GATB: variants seen among roughly 807,000 people sequenced by gnomAD.
GATB encodes the protein glutamyl-tRNA amidotransferase subunit B, also known as glutamyl-tRNA(Gln) amidotransferase subunit B, mitochondrial.
Under a neutral mutation model 62.3 loss-of-function variants are expected in GATB, and 39 were observed. The observed-to-expected ratio is 0.63, with a 90% CI of 0.48 to 0.82. The LOEUF (loss-of-function observed/expected upper bound fraction) is 0.82, where lower values mean the gene tolerates loss of function less well. Among genes scored for constraint, GATB ranks in the 40% least tolerant of loss-of-function variants. The pLI is 0.00. For synonymous variants in GATB, 276 were observed against 258.9 expected (o/e 1.07, Z -0.63); for missense variants, 670 against 684.0 (o/e 0.98, Z 0.23).
At chr4:151,713,005 A>G (rs764292958) in intron 5 of GATB, among the ~76,000 whole-genome samples, 4 of 152,154 alleles carry the variant, frequency 2.6e-5, no homozygotes, top group Non-Finnish European at 4.4e-5. Flanking sequence ...CCCTTGCATT[A>G]CCATCTGAGC....
chr4:151,693,828 G>C (rs28527216), intron 9 of GATB, among the ~76,000 whole-genome samples: 20,405 of 152,184 alleles, frequency 0.13, 1,546 homozygotes, highest in African/African-American at 0.2. Flanking sequence ...CCATTTAGGG[G>C]ATATTCAAAC....
At chr4:151,760,434 C>T (rs1038525205) in intron 1 of GATB, among the ~76,000 whole-genome samples, 11 of 152,192 alleles carry the variant, frequency 7.2e-5, no homozygotes, top group Non-Finnish European at 1.5e-4. Context: ...TAGAACGCTG[C>T]CAGCCCATAC....
chr4:151,678,497 TA>T (rs1738060113), intron 11 of GATB, among the ~76,000 whole-genome samples: 1 of 152,100 alleles, frequency 6.6e-6, no homozygotes, highest in Non-Finnish European at 1.5e-5. Flanking sequence ...TCAGGCCATC[TA>T]AACTTCCTGC....
chr4:151,715,946 C>A, intron 5 of GATB, 63 bp downstream of exon 5: 1 of 1,553,388 alleles, frequency 6.4e-7, no homozygotes, highest in South Asian at 1.2e-5. Flanking sequence ...AAACTAAAGT[C>A]AGAGAGGTTC....
rs199739519 is a variant in GATB at position 151,717,955 on chromosome 4, G to GCCCAC, written c.442-882_442-881insGTGGG. Among the ~76,000 whole-genome samples, 949 of 152,268 alleles carry GCCCAC rather than the reference G, an allele frequency of 6.2e-3. 9 individuals carry two copies. Among genetic ancestry groups the GCCCAC allele is most frequent in the African/African-American group, 0.021 (884 of 41,544 alleles). On this transcript the variant is annotated intron_variant, in intron 3 of 12. Coordinates refer to ENST00000263985, the MANE Select transcript of GATB (RefSeq NM_004564.3). ...AAGACCTTGCCCACAGCCACATACA[G>GCCCAC]AGCTAGTGAGCATCAATGTCAATGT...
intron 2 of GATB, among the ~76,000 whole-genome samples, chr4:151,757,467 A>ATTTT (rs745311470): frequency 3.9e-4 from 41 of 103,802 alleles, no homozygotes; most frequent in African/African-American, 5.2e-4. Context: ...CAGCTTCCAG[A>ATTTT]TTTTTTTTTT....
intron 5 of GATB, 142 bp downstream of exon 5, chr4:151,715,867 A>C (rs192455594): frequency 4.0e-6 from 4 of 988,962 alleles, no homozygotes; most frequent in Admixed American, 3.3e-5. Context: ...ACAACAACAA[A>C]AAAACAGGGT....
intron 10 of GATB, among the ~76,000 whole-genome samples, chr4:151,682,798 T>C (rs1005074236): frequency 3.3e-5 from 5 of 152,058 alleles, no homozygotes; most frequent in Admixed American, 2.0e-4. Context: ...AAGGAAGACA[T>C]TGGGACTTGG....
rs1257238597 is a variant in GATB at position 151,760,966 on chromosome 4, A to G, written c.17T>C (p.Leu6Pro). Residue 6 changes from leucine (L) to proline (P), a missense_variant, in exon 1 of 13, where the codon CTG (leucine) becomes CCG (proline). Transcript: ENST00000263985. MAAPM[L>P]RWGCRGRRWA... is the part of the protein sequence containing the mutation. ...ACGTCTTCCACGGCAGCCCCAGCGC[A>G]GCATGGGCGCCGCCATTGTAACTCC... is the stretch of plus-strand genomic sequence containing the variant. The G allele has an allele frequency of 1.2e-6, 2 of 1,611,436 alleles. No individual in the cohort carries two copies. Among genetic ancestry groups the G allele is most frequent in the Non-Finnish European group, 1.7e-6 (2 of 1,179,200 alleles).
intron 9 of GATB, among the ~76,000 whole-genome samples, chr4:151,694,629 T>G (rs571883376): frequency 6.6e-6 from 1 of 152,376 alleles, no homozygotes; most frequent in South Asian, 2.1e-4. Flanking sequence ...TGCCTGATGA[T>G]GTTGACCAAA....
At chr4:151,671,799 G>GT (rs1271113506) in intron 12 of GATB, among the ~76,000 whole-genome samples, 1 of 152,174 alleles carries the variant, frequency 6.6e-6, no homozygotes, top group Non-Finnish European at 1.5e-5. Context: ...AGAGCGCTGG[G>GT]TCGGGGGGAG....
In GATB at chr4:151,679,718, A is replaced by G. The variant is rs1465065857; in HGVS notation, c.1410+95T>C. ...ACCACTACTGGCATTTAATACTTCC[A>G]TGATGAAAGTCACTCAGTGATGGCA... is the stretch of plus-strand genomic sequence containing the variant. On this transcript the variant is annotated intron_variant, in intron 11 of 12. Coordinates refer to ENST00000263985, the MANE Select transcript of GATB (RefSeq NM_004564.3). 2.9e-5 allele frequency: 29 copies of G among 1,001,216 alleles called. No individual in the cohort carries two copies. The Admixed American group carries it at 4.5e-4, about 16-fold the overall frequency. 62.0% of individuals were successfully genotyped at this position (1,001,216 alleles called of 1,614,324 possible). A position where few individuals can be genotyped will look rare whatever the true frequency, so the allele number is the denominator to read the frequency against.
intron 5 of GATB, among the ~76,000 whole-genome samples, chr4:151,712,537 T>A (rs1003299193): frequency 2.6e-5 from 4 of 152,066 alleles, no homozygotes; most frequent in African/African-American, 9.7e-5. Context: ...AAATATAACA[T>A]CAAGATGGAA....
In GATB at chr4:151,708,074, A is replaced by G. The variant is rs552888531; in HGVS notation, c.791T>C (p.Ile264Thr). 6.2e-7 allele frequency: 1 copy of G among 1,613,872 alleles called. No individual in the cohort carries two copies. The highest frequency in any genetic ancestry group is 2.2e-5 in the East Asian group (1 of 44,882). ...AEGQLRVDANISVHHPGEPLG... is the reference protein window; with the variant it reads ...AEGQLRVDANTSVHHPGEPLG... ...AGGCTCCCCAGGGTGATGCACGGAT[A>G]TATTGGCATCCACTCTCAACTGGCC... Residue 264 changes from isoleucine (I) to threonine (T), a missense_variant, in exon 6 of 13, where the codon ATA (isoleucine) becomes ACA (threonine). Physicochemically the swap from Ile to Thr is moderately conservative, Grantham distance 89 (BLOSUM62 -1). Transcript: ENST00000263985.
chr4:151,761,000 G>C lies in GATB; in HGVS notation c.-18C>G, dbSNP rs762959415. The C allele has an allele frequency of 1.3e-6, 2 of 1,596,654 alleles. No individual in the cohort carries two copies. On this transcript the variant is annotated 5_prime_UTR_variant, in exon 1 of 13. Transcript: ENST00000263985. ...GCCGCCATTGTAACTCCAGGGTCTTGGTCAGGTGACTCAGCCTCACTATGC... is the reference window on the plus strand; with the variant it reads ...GCCGCCATTGTAACTCCAGGGTCTTCGTCAGGTGACTCAGCCTCACTATGC...
intron 1 of GATB, among the ~76,000 whole-genome samples, chr4:151,759,620 C>T (rs1002193299): frequency 2.0e-5 from 3 of 152,056 alleles, no homozygotes; most frequent in Non-Finnish European, 4.4e-5. Context: ...TGCTTATTTG[C>T]TATCAAATCT....
intron 2 of GATB, among the ~76,000 whole-genome samples, chr4:151,754,179 A>T (rs557594884): frequency 1.4e-4 from 22 of 152,142 alleles, no homozygotes; most frequent in Non-Finnish European, 1.2e-4. Flanking sequence ...ATCAGGGCTT[A>T]TATGGTACAG....
At chr4:151,714,536 CACA>C (rs1440487700) in intron 5 of GATB, among the ~76,000 whole-genome samples, 4 of 152,210 alleles carry the variant, frequency 2.6e-5, no homozygotes, top group Admixed American at 2.0e-4. Context: ...CAAAAAGTGT[CACA>C]ACAAGTGAGA....
At chr4:151,724,694 C>A (rs936817873) in intron 2 of GATB, among the ~76,000 whole-genome samples, 1 of 152,008 alleles carries the variant, frequency 6.6e-6, no homozygotes, top group East Asian at 1.9e-4. Context: ...GCAAGACTTT[C>A]GGATGTCACC....
Sources: gnomAD v4.1 joint callset for allele counts (sites outside exome capture counted in the v4.1 genomes callset) on GRCh38, gnomAD v4.1.1 for gene constraint, MANE v1.5 for transcripts, NCBI Gene and HGNC (gene_info 2026-07-23, HGNC 2026-07-21) for gene names.